Variants in CAV1 observed in about 807,000 individuals in gnomAD.
The protein encoded by CAV1 is caveolin-1.
CAV1 carries 10 observed loss-of-function variants against 16.5 expected under a neutral mutation model. That is an observed-to-expected ratio of 0.61 (90% CI 0.37 to 1.03). The LOEUF (loss-of-function observed/expected upper bound fraction) is 1.03, where lower values mean the gene tolerates loss of function less well. Among genes scored for constraint, CAV1 ranks in the 50% least tolerant of loss-of-function variants. The pLI is 0.01. For missense variants in CAV1, 212 were observed against 232.8 expected (o/e 0.91, Z 0.58); for synonymous variants, 76 against 85.1 (o/e 0.89, Z 0.59).
At chr7:116,529,296 T>TCC (rs1793635733) in intron 2 of CAV1, among the ~76,000 whole-genome samples, 1 of 152,152 alleles carries the variant, frequency 6.6e-6, no homozygotes, top group Non-Finnish European at 1.5e-5. Flanking sequence ...TAAGGAAAAG[T>TCC]TGGTCCTAAA....
At chr7:116,549,173 A>G (rs1794109967) in intron 2 of CAV1, among the ~76,000 whole-genome samples, 2 of 152,182 alleles carry the variant, frequency 1.3e-5, no homozygotes, top group African/African-American at 4.8e-5. Context: ...ACCAAAGGAC[A>G]AAGTCACTTT....
At chr7:116,530,382 C>T (rs938035725) in intron 2 of CAV1, among the ~76,000 whole-genome samples, 1 of 151,520 alleles carries the variant, frequency 6.6e-6, no homozygotes, top group Non-Finnish European at 1.5e-5. Flanking sequence ...TGGAAACAGA[C>T]CAAATATAAT....
chr7:116,554,537 A>G (rs2116081833), intron 2 of CAV1, among the ~76,000 whole-genome samples: 1 of 152,304 alleles, frequency 6.6e-6, no homozygotes, highest in South Asian at 2.1e-4. Flanking sequence ...TTAGAGTTCT[A>G]ATTGCAGCTT....
At chr7:116,550,421 A>G (rs1794135587) in intron 2 of CAV1, among the ~76,000 whole-genome samples, 1 of 152,204 alleles carries the variant, frequency 6.6e-6, no homozygotes. Context: ...CCCCGTCAAC[A>G]CAGGCATCTA....
In CAV1 at chr7:116,534,380, TATATATA is replaced by T. The variant is rs1562829919; in HGVS notation, c.195+7692_195+7698del. Reference sequence around the variant, plus strand: ...CACCTCAGATATATATATATATATATATATATATATATATATTTTTTTTTTTTTTTTT... The same window carrying T: ...CACCTCAGATATATATATATATATATTATATATATTTTTTTTTTTTTTTTT... On this transcript the variant is annotated intron_variant, in intron 2 of 2. Transcript: ENST00000341049. Among the ~76,000 whole-genome samples, 25 of 13,704 alleles carry T rather than the reference TATATATA, an allele frequency of 1.8e-3. 1 individual carries two copies. The highest frequency in any genetic ancestry group is 4.4e-3 in the African/African-American group (24 of 5,438). The allele number at this position is 13,704 out of a possible 152,430, so 9.0% of individuals were successfully genotyped here.
At chr7:116,527,390 A>T (rs917664) in intron 2 of CAV1, among the ~76,000 whole-genome samples, 98,502 of 152,058 alleles carry the variant, frequency 0.65, 32,736 homozygotes, top group East Asian at 0.94. Context: ...CTGCTTCTTT[A>T]GTAGCTACCT....
chr7:116,553,069 G>A (rs967211986), intron 2 of CAV1, among the ~76,000 whole-genome samples: 1 of 152,166 alleles, frequency 6.6e-6, no homozygotes, highest in African/African-American at 2.4e-5. Context: ...AATAGAAACA[G>A]AATGTGTAAG....
At chr7:116,527,905 C>T (rs2115938198) in intron 2 of CAV1, among the ~76,000 whole-genome samples, 1 of 152,182 alleles carries the variant, frequency 6.6e-6, no homozygotes, top group African/African-American at 2.4e-5. Context: ...CCCTTGGCTT[C>T]CTGGAGTAGG....
At chr7:116,557,525 G>A (rs3807994) in intron 2 of CAV1, among the ~76,000 whole-genome samples, 42,188 of 151,964 alleles carry the variant, frequency 0.28, 6,116 homozygotes, top group African/African-American at 0.37. Context: ...TTTTAATCCT[G>A]TGCTTCAGTG....
intron 1 of CAV1, chr7:116,526,324 G>T: frequency 6.9e-7 from 1 of 1,444,730 alleles, no homozygotes; most frequent in Non-Finnish European, 9.1e-7. Context: ...TCCTCTGCGA[G>T]ATCCTCTTAA....
chr7:116,537,885 G>A (rs966764707), intron 2 of CAV1, among the ~76,000 whole-genome samples: 3 of 152,212 alleles, frequency 2.0e-5, no homozygotes, highest in African/African-American at 7.2e-5. Context: ...CACAGGGCAG[G>A]TGTGGCCAGA....
At position 116,560,732 on chromosome 7, in the gene CAV1, T is replaced by C. The variant is rs1420791246; in HGVS notation, c.*1445T>C. On this transcript the variant is annotated 3_prime_UTR_variant, in exon 3 of 3. Coordinates refer to ENST00000341049, the MANE Select transcript of CAV1 (RefSeq NM_001753.5). ...TGATTCTGCCTTTGGGGACTTTTCTTAAACCTTCAGTTATGATTTTTTTTT... is the reference window on the plus strand; with the variant it reads ...TGATTCTGCCTTTGGGGACTTTTCTCAAACCTTCAGTTATGATTTTTTTTT... 6.6e-6 allele frequency: 1 copy of C among 152,620 alleles called. No individual in the cohort carries two copies. Among genetic ancestry groups the C allele is most frequent in the African/African-American group, 2.4e-5 (1 of 41,448 alleles). 9.5% of individuals were successfully genotyped at this position (152,620 alleles called of 1,614,324 possible). A position where few individuals can be genotyped will look rare whatever the true frequency, so the allele number is the denominator to read the frequency against.
In CAV1 at chr7:116,526,214, G is replaced by C. The variant is rs547632912; in HGVS notation, c.31-311G>C. The C allele has an allele frequency of 1.5e-4, 144 of 962,902 alleles. 1 individual carries two copies. In the African/African-American group the frequency reaches 2.5e-3, roughly 16 times the overall value. The allele number at this position is 962,902 out of a possible 1,614,324, so 59.6% of individuals were successfully genotyped here. On this transcript the variant is annotated intron_variant, in intron 1 of 2. Transcript: ENST00000341049. ...TCCTGCGTGCTGAGCCGGGGCGTGCGCGGGCGGGGGCCTTCGGACCGCGCG... is the reference window on the plus strand; with the variant it reads ...TCCTGCGTGCTGAGCCGGGGCGTGCCCGGGCGGGGGCCTTCGGACCGCGCG...
At position 116,525,214 on chromosome 7, in the gene CAV1, C is replaced by A; in HGVS notation, c.30+122C>A. 1.9e-6 allele frequency: 3 copies of A among 1,613,068 alleles called. No homozygotes were observed. The South Asian group carries it at 3.3e-5, about 18-fold the overall frequency. On this transcript the variant is annotated intron_variant, in intron 1 of 2. Coordinates refer to ENST00000341049, the MANE Select transcript of CAV1 (RefSeq NM_001753.5). ...GCCCTCTCTCCACTTCGGAGCACTC[C>A]TCTGGCGTTGGCACCGCTGAGGAAT... is the stretch of plus-strand genomic sequence containing the variant.
intron 2 of CAV1, among the ~76,000 whole-genome samples, chr7:116,537,565 A>T: frequency 6.6e-6 from 1 of 152,228 alleles, no homozygotes; most frequent in East Asian, 1.9e-4. Context: ...GAACCCAGGT[A>T]GTGAAACTCC....
At chr7:116,525,764 A>G in intron 1 of CAV1, 1 of 1,054,956 alleles carries the variant, frequency 9.5e-7, no homozygotes, top group South Asian at 3.6e-5. Flanking sequence ...ACCCGCCCGC[A>G]GCCTGGGAGT....
chr7:116,541,272 C>G (rs1793929678), intron 2 of CAV1, among the ~76,000 whole-genome samples: 1 of 151,968 alleles, frequency 6.6e-6, no homozygotes, highest in South Asian at 2.1e-4. Context: ...CAGGGTAAGG[C>G]TGAGGAGGGA....
At chr7:116,534,991 T>C (rs987191182) in intron 2 of CAV1, among the ~76,000 whole-genome samples, 9 of 152,160 alleles carry the variant, frequency 5.9e-5, no homozygotes, top group African/African-American at 2.2e-4. Flanking sequence ...ATCAACTTGC[T>C]CAATGGTTCT....
At chr7:116,535,303 G>A (rs570122427) in intron 2 of CAV1, among the ~76,000 whole-genome samples, 11 of 152,240 alleles carry the variant, frequency 7.2e-5, no homozygotes, top group East Asian at 3.9e-4. Flanking sequence ...GGCATGTCAG[G>A]CCTTTCCCTG....
Sources: allele counts gnomAD v4.1 joint callset (sites outside exome capture counted in the v4.1 genomes callset), GRCh38; gene constraint gnomAD v4.1.1; transcripts MANE v1.5; gene names NCBI Gene and HGNC (gene_info 2026-07-23, HGNC 2026-07-21).